The following SMYD3 variants were observed in gnomAD, a reference collection of about 807,000 sequenced individuals.
The protein encoded by SMYD3 is SET and MYND domain containing 3, also known as histone-lysine N-methyltransferase SMYD3.
Under a neutral mutation model 57.7 loss-of-function variants are expected in SMYD3, and 36 were observed. The observed-to-expected ratio is 0.62, with a 90% confidence interval of 0.48 to 0.82. The LOEUF (loss-of-function observed/expected upper bound fraction) is 0.82, where lower values mean the gene tolerates loss of function less well. Ranked by LOEUF, SMYD3 falls within the 40% of genes least tolerant of loss-of-function variation. The pLI is 0.00. For missense variants in SMYD3, 515 were observed against 538.8 expected, an observed-to-expected ratio of 0.96 and a Z score of 0.44; for synonymous variants, 211 against 195.0, an observed-to-expected ratio of 1.08 and a Z score of -0.68.
intron 2 of SMYD3, among the ~76,000 whole-genome samples, chr1:246,353,362 A>C (rs1490175143): frequency 6.6e-6 from 1 of 151,992 alleles, no homozygotes; most frequent in Non-Finnish European, 1.5e-5. Flanking sequence ...TCTCGTCTCC[A>C]TTAAAATTTT....
intron 5 of SMYD3, among the ~76,000 whole-genome samples, chr1:246,282,302 CTACAAAAAA>C (rs2064460702): frequency 2.2e-5 from 1 of 45,438 alleles, no homozygotes; most frequent in Non-Finnish European, 3.9e-5. Flanking sequence ...ACCCTCATCT[CTACAAAAAA>C]AAAAAAAAAA....
chr1:246,471,556 G>A (rs2067962649), intron 1 of SMYD3, among the ~76,000 whole-genome samples: 1 of 152,000 alleles, frequency 6.6e-6, no homozygotes, highest in African/African-American at 2.4e-5. Context: ...ATATAAGCAA[G>A]GTAACAAAAT....
intron 5 of SMYD3, among the ~76,000 whole-genome samples, chr1:246,273,857 G>A (rs1415839398): frequency 2.6e-5 from 4 of 152,052 alleles, no homozygotes; most frequent in African/African-American, 7.2e-5. Flanking sequence ...GATTACAGGC[G>A]TGAACCACTG....
At chr1:246,254,902 A>G (rs986617395) in intron 5 of SMYD3, among the ~76,000 whole-genome samples, 1 of 152,184 alleles carries the variant, frequency 6.6e-6, no homozygotes, top group South Asian at 2.1e-4. Context: ...TGCAAATGAG[A>G]CTGGATTCAT....
rs111297820 is a variant in SMYD3, at chr1:245,871,620, C to T, written c.814-7734G>A. On this transcript the variant is annotated intron_variant, in intron 8 of 11. Coordinates refer to ENST00000490107, the MANE Select transcript of SMYD3 (RefSeq NM_001167740.2). ...AACAGAAATTAGTGAAAAAGAATGC[C>T]GGGCTTGGAGCCATAAGATGTGGAA... Among the ~76,000 whole-genome samples the T allele has an allele frequency of 9.0e-3, 1,377 of 152,240 alleles. 23 individuals are homozygous for T. The highest frequency in any genetic ancestry group is 0.031 in the African/African-American group (1,273 of 41,546).
chr1:246,406,730 G>T (rs1282053025), intron 1 of SMYD3, among the ~76,000 whole-genome samples: 5 of 152,174 alleles, frequency 3.3e-5, no homozygotes, highest in African/African-American at 1.2e-4. Flanking sequence ...AACTAGTGCA[G>T]GATCACATAG....
intron 1 of SMYD3, among the ~76,000 whole-genome samples, chr1:246,410,885 T>C (rs2102984746): frequency 6.6e-6 from 1 of 152,352 alleles, no homozygotes; most frequent in South Asian, 2.1e-4. Flanking sequence ...AACTTCTTCC[T>C]GGTTTAGTCT....
chr1:246,325,625 G>A (rs2065337774), intron 5 of SMYD3, among the ~76,000 whole-genome samples: 1 of 152,084 alleles, frequency 6.6e-6, no homozygotes, highest in African/African-American at 2.4e-5. Context: ...TAAAATACAT[G>A]AGACTAAAAT....
chr1:246,304,760 G>A (rs1243629956), intron 5 of SMYD3, among the ~76,000 whole-genome samples: 1 of 152,158 alleles, frequency 6.6e-6, no homozygotes, highest in African/African-American at 2.4e-5. Context: ...TTAATGTTCT[G>A]TCAATGCCTC....
intron 1 of SMYD3, among the ~76,000 whole-genome samples, chr1:246,506,475 T>C (rs1280458772): frequency 4.6e-5 from 7 of 152,136 alleles, no homozygotes; most frequent in Admixed American, 3.9e-4. Flanking sequence ...TGTAATTCTC[T>C]CTCTCACTTG....
In SMYD3 at chr1:245,848,134, C is replaced by T. The variant is rs2050759956; in HGVS notation, c.1076+10362G>A. ...TTTTTTTTGGAGACAGGGTCTCATG[C>T]TGTTGCCCAAGCTGGAATACAGTGG... On this transcript the variant is annotated intron_variant, in intron 10 of 11. Coordinates refer to ENST00000490107, the MANE Select transcript of SMYD3 (RefSeq NM_001167740.2). Among the ~76,000 whole-genome samples, 3 of 149,360 alleles carry T rather than the reference C, an allele frequency of 2.0e-5. No individual in the cohort carries two copies. The Admixed American group carries it at 2.0e-4, about 10-fold the overall frequency.
At chr1:246,192,665 A>G (rs57522422) in intron 5 of SMYD3, among the ~76,000 whole-genome samples, 2,998 of 152,324 alleles carry the variant, frequency 0.02, 105 homozygotes, top group African/African-American at 0.069. Flanking sequence ...TTATTTCCTT[A>G]TAACTTTAAA....
chr1:245,749,663 G>A lies in SMYD3; in HGVS notation c.1187C>T (p.Ala396Val), dbSNP rs762975145. 2 of 1,612,906 alleles carry A rather than the reference G, an allele frequency of 1.2e-6. No individual in the cohort carries two copies. Among genetic ancestry groups the A allele is most frequent in the East Asian group, 2.2e-5 (1 of 44,886 alleles). ...ATGTGTCACTCTCATAATATCAAAA[G>A]CCTAAAGAGAAAGGACGGAAGAGAG... ...FPQAMKNLRL[A>V]FDIMRVTHGR... Residue 396 changes from alanine (A) to valine (V), a missense_variant and splice_region_variant, in exon 12 of 12, where the codon GCT (alanine) becomes GTT (valine). By Grantham distance (64) the Ala-to-Val change is moderately conservative (BLOSUM62 0). Transcript: ENST00000490107.
At chr1:246,501,631 C>A (rs1274933167) in intron 1 of SMYD3, among the ~76,000 whole-genome samples, 3 of 152,160 alleles carry the variant, frequency 2.0e-5, no homozygotes, top group Non-Finnish European at 4.4e-5. Context: ...AACCATGATC[C>A]ACAATTACAC....
chr1:246,170,027 T>C (rs1185561880), intron 5 of SMYD3, among the ~76,000 whole-genome samples: 1 of 152,188 alleles, frequency 6.6e-6, no homozygotes, highest in Admixed American at 6.5e-5. Context: ...TGTGTTACAG[T>C]TTAATTCTGA....
At chr1:246,334,964 G>A (rs1382247723) in intron 3 of SMYD3, among the ~76,000 whole-genome samples, 2 of 152,132 alleles carry the variant, frequency 1.3e-5, no homozygotes, top group Admixed American at 6.6e-5. Context: ...CGGCAAATTC[G>A]ACTGTTGTCT....
At chr1:246,321,304 G>A (rs560955219) in intron 5 of SMYD3, among the ~76,000 whole-genome samples, 1 of 152,282 alleles carries the variant, frequency 6.6e-6, no homozygotes, top group South Asian at 2.1e-4. Flanking sequence ...TGAGAGGTGG[G>A]AGCAACAGTA....
intron 1 of SMYD3, among the ~76,000 whole-genome samples, chr1:246,417,769 T>G (rs1307037598): frequency 6.6e-6 from 1 of 152,208 alleles, no homozygotes; most frequent in East Asian, 1.9e-4. Flanking sequence ...CTTAGCAGAA[T>G]TCAGGCCCTT....
At chr1:246,062,347 T>C (rs967574429) in intron 5 of SMYD3, among the ~76,000 whole-genome samples, 17 of 152,232 alleles carry the variant, frequency 1.1e-4, no homozygotes, top group Admixed American at 6.5e-4. Flanking sequence ...CCATCAGGAG[T>C]ACCACTGAAA....
Sources: gnomAD v4.1 joint callset for allele counts (sites outside exome capture counted in the v4.1 genomes callset) on GRCh38, gnomAD v4.1.1 for gene constraint, MANE v1.5 for transcripts, NCBI Gene and HGNC (gene_info 2026-07-23, HGNC 2026-07-21) for gene names.